Variants in GNPAT observed in about 807,000 individuals in gnomAD.
GNPAT encodes dihydroxyacetone phosphate acyltransferase.
In GNPAT, 30 loss-of-function variants were observed where a neutral mutation model predicts 78.4. The observed-to-expected ratio is 0.38, with a 90% CI of 0.29 to 0.52. The LOEUF is 0.52. GNPAT is among the 20% of genes least tolerant of loss of function. The pLI is 0.84. For missense variants in GNPAT, 714 were observed against 812.2 expected (o/e 0.88, Z 1.47); for synonymous variants, 271 against 281.1 (o/e 0.96, Z 0.36).
intron 8 of GNPAT, among the ~76,000 whole-genome samples, chr1:231,267,272 C>T (rs1279217196): frequency 6.6e-6 from 1 of 152,098 alleles, no homozygotes; most frequent in Non-Finnish European, 1.5e-5. Context: ...GGCACCCATT[C>T]AGTATAAAAT....
At chr1:231,252,871 T>C (rs1175273940) in intron 2 of GNPAT, among the ~76,000 whole-genome samples, 1 of 151,954 alleles carries the variant, frequency 6.6e-6, no homozygotes, top group Non-Finnish European at 1.5e-5. Context: ...TTTGTGTAGA[T>C]TGTGGCTCAC....
intron 5 of GNPAT, 92 bp from the exon 6 acceptor site, chr1:231,265,620 G>T: frequency 1.1e-6 from 1 of 918,890 alleles, no homozygotes; most frequent in South Asian, 1.3e-5. Flanking sequence ...CAGGAAGCTT[G>T]GGAGGGAGCT....
intron 3 of GNPAT, among the ~76,000 whole-genome samples, chr1:231,261,742 A>G (rs1266273159): frequency 6.6e-6 from 1 of 152,064 alleles, no homozygotes; most frequent in Admixed American, 6.6e-5. Flanking sequence ...TGACTTTTCT[A>G]ATTTCATAAA....
In GNPAT at chr1:231,277,597, C is replaced by A; in HGVS notation, c.*55C>A. On this transcript the variant is annotated 3_prime_UTR_variant, in exon 16 of 16. Coordinates refer to ENST00000366647, the MANE Select transcript of GNPAT (RefSeq NM_014236.4). ...TCACGTAATTACTCTCATCGAAGGA[C>A]TCATTACAACAAACAGGGAAGTAAA... The A allele has an allele frequency of 1.0e-6, 1 of 984,260 alleles. No homozygotes were observed. Among genetic ancestry groups the A allele is most frequent in the Non-Finnish European group, 1.7e-6 (1 of 604,680 alleles). The allele number at this position is 984,260 out of a possible 1,614,324, so 61.0% of individuals were successfully genotyped here.
At chr1:231,265,908 T>C in intron 6 of GNPAT, 106 bp from the exon 7 acceptor site, 1 of 1,085,772 alleles carries the variant, frequency 9.2e-7, no homozygotes, top group Admixed American at 1.7e-5. Context: ...TGTTGATATT[T>C]ACGGGATTAG....
intron 1 of GNPAT, among the ~76,000 whole-genome samples, chr1:231,247,979 A>G (rs553626934): frequency 6.6e-6 from 1 of 152,290 alleles, no homozygotes; most frequent in South Asian, 2.1e-4. Flanking sequence ...AAGCTTTTTC[A>G]AAGTATACAT....
At chr1:231,264,832 T>C (rs1685330965) in intron 4 of GNPAT, among the ~76,000 whole-genome samples, 2 of 152,220 alleles carry the variant, frequency 1.3e-5, no homozygotes, top group Admixed American at 6.5e-5. Flanking sequence ...ACTAAAGACA[T>C]TGACATCATG....
intron 9 of GNPAT, 148 bp downstream of exon 9, chr1:231,268,051 C>T: frequency 1.5e-6 from 1 of 688,522 alleles, no homozygotes; most frequent in Non-Finnish European, 2.6e-6. Context: ...ACCTGTAATC[C>T]CAGCACTTTG....
chr1:231,259,383 C>T (rs955291386), intron 2 of GNPAT, among the ~76,000 whole-genome samples: 7 of 152,118 alleles, frequency 4.6e-5, no homozygotes, highest in African/African-American at 1.7e-4. Context: ...TGTGGTGGCT[C>T]ACGCCTGTAA....
At chr1:231,245,894 G>A (rs552228954) in intron 1 of GNPAT, among the ~76,000 whole-genome samples, 19 of 152,114 alleles carry the variant, frequency 1.2e-4, no homozygotes, top group Non-Finnish European at 2.4e-4. Context: ...GCTTGAACCC[G>A]GGAGGTGGAA....
In GNPAT at chr1:231,277,508, C is replaced by A; in HGVS notation, c.2009C>A (p.Thr670Lys). The change falls in exon 16 of 16, where the codon ACA (threonine) becomes AAA (lysine). Residue 670 changes from threonine (T) to lysine (K), a missense_variant. By Grantham distance (78) the Thr-to-Lys change is moderately conservative. Coordinates refer to ENST00000366647, the MANE Select transcript of GNPAT (RefSeq NM_014236.4). ...TCTTTTTTCATCTTAGGTTGTAAGA[C>A]ACCAATAGGAAAACCAGCCACTGCA... ...TKLEEMLGCK[T>K]PIGKPATAKL 6.3e-7 allele frequency: 1 copy of A among 1,592,788 alleles called. No individual in the cohort carries two copies. Among genetic ancestry groups the A allele is most frequent in the Non-Finnish European group, 8.6e-7 (1 of 1,160,570 alleles).
chr1:231,259,510 G>C (rs1685161593), intron 2 of GNPAT, among the ~76,000 whole-genome samples: 1 of 152,042 alleles, frequency 6.6e-6, no homozygotes, highest in Admixed American at 6.6e-5. Context: ...AGCTGGGCAT[G>C]GTGGCACATG....
At chr1:231,265,183 G>A in intron 4 of GNPAT, 110 bp from the exon 5 acceptor site, 1 of 873,828 alleles carries the variant, frequency 1.1e-6, no homozygotes, top group South Asian at 1.5e-5. Context: ...GCGAGACCCT[G>A]TCTCATAAAA....
Position 231,275,298 on chromosome 1 carries a change from C to T in GNPAT, c.1821C>T (p.Phe607=), listed in dbSNP as rs1685681001. 1.9e-6 allele frequency: 3 copies of T among 1,612,192 alleles called. No individual in the cohort carries two copies. The highest frequency in any genetic ancestry group is 1.7e-6 in the Non-Finnish European group (2 of 1,178,180). ...EEQYLAAVRK[F]TSQLLDQGTS... is the part of the protein sequence containing the mutation. ...AGTACTTGGCTGCAGTCAGAAAATT[C>T]ACAAGTCAGCTTCTCGATCAAGGTC... Residue 607 remains phenylalanine, a synonymous_variant, in exon 13 of 16, where the codon TTC becomes TTT. Coordinates refer to ENST00000366647, the MANE Select transcript of GNPAT (RefSeq NM_014236.4).
chr1:231,241,607 G>C (rs1684608022), intron 1 of GNPAT, 151 bp downstream of exon 1: 1 of 712,610 alleles, frequency 1.4e-6, no homozygotes, highest in Non-Finnish European at 2.6e-6. Flanking sequence ...TTGGTTTCCA[G>C]GACAACAGTG....
rs376121532 is a variant in GNPAT, at chr1:231,274,108, A to G, written c.1743+46A>G. 6.0e-5 allele frequency: 91 copies of G among 1,507,466 alleles called. No individual in the cohort carries two copies. The Middle Eastern group carries it at 1.0e-3, about 17-fold the overall frequency. The allele number at this position is 1,507,466 out of a possible 1,614,324, so 93.4% of individuals were successfully genotyped here. A position where few individuals can be genotyped will look rare whatever the true frequency, so the allele number is the denominator to read the frequency against. On this transcript the variant is annotated intron_variant, in intron 12 of 15. Coordinates refer to ENST00000366647, the MANE Select transcript of GNPAT (RefSeq NM_014236.4). The stretch of plus-strand genomic sequence containing the variant: ...CTCCTTCATGCCCCCCATATCAAAT[A>G]TAATAAGACATTCTCACCCTGTGCT...
chr1:231,260,605 G>A lies in GNPAT; in HGVS notation c.360G>A (p.Arg120=). The A allele has an allele frequency of 6.2e-7, 1 of 1,613,164 alleles. No individual in the cohort carries two copies. The highest frequency in any genetic ancestry group is 8.5e-7 in the Non-Finnish European group (1 of 1,179,250). The change falls in exon 3 of 16, where the codon CGG becomes CGA. Residue 120 remains arginine (R), a synonymous_variant. Transcript: ENST00000366647. ...MSHKLRLGAI[R]FCAFTLSKVF... is the part of the protein sequence containing the mutation. ...ACAAACTGCGTCTTGGAGCCATTCG[G>A]TTTTGTGCCTTCACCCTGAGCAAAG... is the stretch of plus-strand genomic sequence containing the variant.
chr1:231,270,660 A>G, intron 9 of GNPAT, 98 bp from the exon 10 acceptor site: 1 of 1,155,508 alleles, frequency 8.7e-7, no homozygotes. Flanking sequence ...CTTGAAAATG[A>G]GCATCTGTCA....
In GNPAT at chr1:231,262,797, G is replaced by T. The variant is rs756398996; in HGVS notation, c.513G>T (p.Leu171Phe). The change falls in exon 4 of 16, where the codon TTG becomes TTT. Residue 171 changes from leucine to phenylalanine, a missense_variant. Physicochemically the swap from Leu to Phe is conservative, Grantham distance 22 (BLOSUM62 0). Transcript: ENST00000366647. Reference protein sequence around the residue: ...SHRSYIDFLMLSFLLYNYDLP... With the variant: ...SHRSYIDFLMFSFLLYNYDLP... ...GAAGTTACATTGACTTCCTCATGTTGTCTTTTCTTCTATACAATTATGATT... is the reference window on the plus strand; with the variant it reads ...GAAGTTACATTGACTTCCTCATGTTTTCTTTTCTTCTATACAATTATGATT... 6.2e-7 allele frequency: 1 copy of T among 1,608,428 alleles called. No individual in the cohort carries two copies. Among genetic ancestry groups the T allele is most frequent in the Non-Finnish European group, 8.5e-7 (1 of 1,174,876 alleles).
Sources: allele counts gnomAD v4.1 joint callset (sites outside exome capture counted in the v4.1 genomes callset), GRCh38; gene constraint gnomAD v4.1.1; transcripts MANE v1.5; gene names NCBI Gene and HGNC (gene_info 2026-07-23, HGNC 2026-07-21).